Variants in KDM4B observed in about 807,000 individuals in gnomAD.
KDM4B encodes lysine demethylase 4B, also known as lysine-specific demethylase 4B.
KDM4B carries 32 observed loss-of-function variants against 125.2 expected under a neutral mutation model. The observed-to-expected ratio is 0.26, with a 90% CI of 0.19 to 0.34. KDM4B has a LOEUF of 0.34. Ranked by LOEUF, KDM4B falls within the 10% of genes least tolerant of loss-of-function variation. The pLI, the probability that KDM4B is intolerant of heterozygous loss-of-function variation, is 1.00. For synonymous variants in KDM4B, 721 were observed against 677.9 expected (o/e 1.06, Z -0.99); for missense variants, 1,190 against 1,577.7 (o/e 0.75, Z 4.16).
At chr19:4,977,850 G>A (rs891618856) in intron 1 of KDM4B, among the ~76,000 whole-genome samples, 2 of 152,128 alleles carry the variant, frequency 1.3e-5, no homozygotes, top group Non-Finnish European at 2.9e-5. Context: ...ACTCTGGCTC[G>A]GTGCCCTGAG....
intron 9 of KDM4B, among the ~76,000 whole-genome samples, chr19:5,095,089 T>C (rs1237473307): frequency 6.6e-6 from 1 of 152,126 alleles, no homozygotes; most frequent in African/African-American, 2.4e-5. Flanking sequence ...CCAGGATCGC[T>C]GTTTCTAAGG....
At chr19:5,062,578 G>A (rs574128352) in intron 6 of KDM4B, among the ~76,000 whole-genome samples, 5 of 152,300 alleles carry the variant, frequency 3.3e-5, no homozygotes, top group East Asian at 1.9e-4. Context: ...CACCCTAGAC[G>A]AGGGACAGGT....
chr19:4,990,396 G>A (rs182281675), intron 1 of KDM4B, among the ~76,000 whole-genome samples: 86 of 152,306 alleles, frequency 5.6e-4, no homozygotes, highest in Admixed American at 3.9e-3. Flanking sequence ...AGGCAGACAT[G>A]CCCTGACTTA....
intron 9 of KDM4B, among the ~76,000 whole-genome samples, chr19:5,104,964 T>C (rs909591102): frequency 6.6e-6 from 1 of 152,198 alleles, no homozygotes; most frequent in Admixed American, 6.5e-5. Flanking sequence ...GTCCATGGGC[T>C]CCGGGAGTTT....
intron 2 of KDM4B, among the ~76,000 whole-genome samples, chr19:5,019,935 G>GGTGTGCAGGTGTTA (rs1233068063): frequency 2.2e-5 from 3 of 136,618 alleles, no homozygotes; most frequent in Non-Finnish European, 4.7e-5. Flanking sequence ...TGTGGGTGTT[G>GGTGTGCAGGTGTTA]GTGTGCAGGT....
Position 5,131,377 on chromosome 19 carries a change from C to T in KDM4B, c.1617C>T (p.Ala539=). The T allele has an allele frequency of 6.2e-7, 1 of 1,611,926 alleles. No homozygotes were observed. The highest frequency in any genetic ancestry group is 8.5e-7 in the Non-Finnish European group (1 of 1,179,790). ...TGGTGCCGCGGCCGGGCAAGGCAGCCTTCAACCAGGAGCACGTGTCCTGCC... is the reference window on the plus strand; with the variant it reads ...TGGTGCCGCGGCCGGGCAAGGCAGCTTTCAACCAGGAGCACGTGTCCTGCC... ...LYVVPRPGKA[A]FNQEHVSCQQ... Residue 539 remains alanine (A), a synonymous_variant, in exon 12 of 23, where the codon GCC becomes GCT. Transcript: ENST00000159111.
rs370787339 is a variant in KDM4B, at chr19:5,135,494, C to T, written c.2241C>T (p.Ser747=). ...ACACGGAGCCGCTGCCTGCCAACTC[C>T]TACATCGGCGACGACGGGACCAGCC... is the stretch of plus-strand genomic sequence containing the variant. The part of the protein sequence containing the change: ...GENTEPLPAN[S]YIGDDGTSPL... Residue 747 remains serine, a synonymous_variant, in exon 15 of 23, where the codon TCC becomes TCT. Transcript: ENST00000159111. 314 of 1,612,562 alleles carry T rather than the reference C, an allele frequency of 1.9e-4. No homozygotes were observed. Among genetic ancestry groups the T allele is most frequent in the Non-Finnish European group, 2.5e-4 (296 of 1,179,828 alleles).
At chr19:4,991,786 C>T (rs1326775858) in intron 1 of KDM4B, among the ~76,000 whole-genome samples, 1 of 152,184 alleles carries the variant, frequency 6.6e-6, no homozygotes, top group East Asian at 1.9e-4. Context: ...GCCCTGGCGA[C>T]GGCTGAGGAT....
chr19:5,019,076 AGGTGCTGGTGTGGACG>A (rs2035981196), intron 2 of KDM4B, among the ~76,000 whole-genome samples: 1 of 90,364 alleles, frequency 1.1e-5, no homozygotes, highest in Non-Finnish European at 2.6e-5. Context: ...GTTGGTGTGC[AGGTGCTGGTGTGGACG>A]TTGGTGTGCA....
intron 11 of KDM4B, 81 bp downstream of exon 11, chr19:5,119,933 A>T: frequency 6.9e-7 from 1 of 1,455,702 alleles, no homozygotes; most frequent in Non-Finnish European, 9.1e-7. Flanking sequence ...AGTGCCTGCT[A>T]CAGCCAGAGT....
rs1375990951 is a variant in KDM4B at position 4,984,947 on chromosome 19, G to C, written c.-109+15717G>C. On this transcript the variant is annotated intron_variant, in intron 1 of 22. Coordinates refer to ENST00000159111, the MANE Select transcript of KDM4B (RefSeq NM_015015.3). ...GGGAGGGCTGCAGCCTTCGGGATCT[G>C]CTGGGTCACAGTGGGTGTTACCCTA... Among the ~76,000 whole-genome samples, 7 of 152,310 alleles carry C rather than the reference G, an allele frequency of 4.6e-5. No homozygotes were observed. In the East Asian group the frequency reaches 1.3e-3, roughly 29 times the overall value.
intron 11 of KDM4B, among the ~76,000 whole-genome samples, chr19:5,122,688 G>T (rs765538504): frequency 6.6e-6 from 1 of 152,192 alleles, no homozygotes; most frequent in Non-Finnish European, 1.5e-5. Flanking sequence ...ACCCGTCACC[G>T]ACCAAGAGCA....
At chr19:5,069,729 TCAGCCTCCCGAGTAGCTGGGATTA>T (rs1436307728) in intron 6 of KDM4B, among the ~76,000 whole-genome samples, 1 of 152,164 alleles carries the variant, frequency 6.6e-6, no homozygotes, top group Admixed American at 6.5e-5. Flanking sequence ...TTCTTTTGCG[TCAGCCTCCCGAGTAGCTGGGATTA>T]CAGCCTCCTG....
rs368333681 is a variant in KDM4B, at chr19:4,976,179, G to T, written c.-109+6949G>T. The stretch of plus-strand genomic sequence containing the variant: ...CAGGAGAATCGCTTGAACCCTGGAG[G>T]CAGGGGTTGCAGTGAGCTGAGATCA... On this transcript the variant is annotated intron_variant, in intron 1 of 22. Transcript: ENST00000159111. Among the ~76,000 whole-genome samples the T allele has an allele frequency of 1.7e-3, 213 of 123,754 alleles. 1 individual carries two copies. The highest frequency in any genetic ancestry group is 6.0e-3 in the African/African-American group (189 of 31,362). 81.2% of individuals were successfully genotyped at this position (123,754 alleles called of 152,430 possible).
chr19:5,050,273 G>T (rs760167490), intron 6 of KDM4B, among the ~76,000 whole-genome samples: 2 of 152,244 alleles, frequency 1.3e-5, no homozygotes, highest in African/African-American at 2.4e-5. Flanking sequence ...TCAATAACAG[G>T]CAGAAACATG....
At chr19:5,036,774 C>T (rs549751372) in intron 3 of KDM4B, among the ~76,000 whole-genome samples, 43 of 152,384 alleles carry the variant, frequency 2.8e-4, no homozygotes, top group Admixed American at 7.8e-4. Flanking sequence ...CAACCCTCCC[C>T]GCCTGGAGCC....
intron 11 of KDM4B, among the ~76,000 whole-genome samples, chr19:5,127,107 C>T (rs757711963): frequency 1.3e-5 from 2 of 152,278 alleles, no homozygotes; most frequent in South Asian, 4.1e-4. Flanking sequence ...CTTCCCTCCA[C>T]CCAAAAAGAG....
chr19:5,144,163 G>T lies in KDM4B; in HGVS notation c.2736+11G>T, dbSNP rs752795792. On this transcript the variant is annotated intron_variant, in intron 19 of 22. Transcript: ENST00000159111. ...TCGGGGGGTCACGCTGTGAGTGCCT[G>T]CCCGCCTCCTTGCCCCCAGCCCCTG... 12 of 1,593,732 alleles carry T rather than the reference G, an allele frequency of 7.5e-6. No individual in the cohort carries two copies. The highest frequency in any genetic ancestry group is 1.3e-5 in the African/African-American group (1 of 74,564).
chr19:4,987,274 T>C (rs2034870253), intron 1 of KDM4B, among the ~76,000 whole-genome samples: 1 of 152,176 alleles, frequency 6.6e-6, no homozygotes, highest in Non-Finnish European at 1.5e-5. Context: ...TAAAGGCAAG[T>C]TTTCTTTAGT....
Sources: gnomAD v4.1 joint callset for allele counts (sites outside exome capture counted in the v4.1 genomes callset) on GRCh38, gnomAD v4.1.1 for gene constraint, MANE v1.5 for transcripts, NCBI Gene and HGNC (gene_info 2026-07-23, HGNC 2026-07-21) for gene names.